HUWE1: variants seen among roughly 807,000 people sequenced by gnomAD.
The protein encoded by HUWE1 is E3 ubiquitin-protein ligase HUWE1.
In HUWE1, 18 loss-of-function variants were observed where a neutral mutation model predicts 299.4. The ratio of observed to expected loss-of-function variants is 0.06; its 90% confidence interval spans 0.04 to 0.09. HUWE1 has a LOEUF of 0.09. HUWE1 is among the 10% of genes least tolerant of loss of function. The pLI, the probability that HUWE1 is intolerant of heterozygous loss-of-function variation, is 1.00. For synonymous variants in HUWE1, 1,317 were observed against 1,286.1 expected, an observed-to-expected ratio of 1.02 and a Z score of -0.51; for missense variants, 1,832 against 3,462.3, an observed-to-expected ratio of 0.53 and a Z score of 11.82.
At chrX:53,535,606 A>C in intron 80 of HUWE1, 105 bp from the exon 81 acceptor site, 1 of 567,592 alleles carries the variant, frequency 1.8e-6, no homozygotes, top group East Asian at 3.4e-5. Flanking sequence ...AGGCAGAGAG[A>C]TGAGGCAAGT....
intron 82 of HUWE1, 46 bp from the exon 83 acceptor site, chrX:53,534,243 A>C: frequency 1.9e-6 from 2 of 1,077,798 alleles, no homozygotes; most frequent in Non-Finnish European, 2.6e-6. Context: ...GAAAGCTCCT[A>C]GAAGCAGGGT....
At chrX:53,552,513 C>T in intron 62 of HUWE1, 72 bp from the exon 63 acceptor site, 1 of 1,202,097 alleles carries the variant, frequency 8.3e-7, no homozygotes, top group East Asian at 3.0e-5. Context: ...TACAATACCC[C>T]TTTCTCACAG....
chrX:53,656,078 T>TA (rs1243581032), intron 3 of HUWE1, among the ~76,000 whole-genome samples: 4 of 102,539 alleles, frequency 3.9e-5, no homozygotes, highest in African/African-American at 1.1e-4. Context: ...GACTCCATCT[T>TA]AAAAAAACAA....
rs2062168089 is a variant in HUWE1 at position 53,559,136 on chromosome X, G to GT, written c.7916-77dup. 1.2e-5 allele frequency: 11 copies of GT among 890,734 alleles called. No homozygotes were observed. In the South Asian group the frequency reaches 2.2e-4, roughly 18 times the overall value. 73.4% of individuals were successfully genotyped at this position (890,734 alleles called of 1,213,427 possible). A position where few individuals can be genotyped will look rare whatever the true frequency, so the allele number is the denominator to read the frequency against. ...CTGATCCACCGATCCAAAAATTGCA[G>GT]TATTTCCCTAAAAGGACCCAAGGTC... On this transcript the variant is annotated intron_variant, in intron 57 of 83. Coordinates refer to ENST00000262854, the MANE Select transcript of HUWE1 (RefSeq NM_031407.7).
Position 53,537,699 on chromosome X carries a change from TG to T in HUWE1, c.11997-4del. The T allele has an allele frequency of 8.3e-7, 1 of 1,207,217 alleles. No homozygotes were observed. Among genetic ancestry groups the T allele is most frequent in the Non-Finnish European group, 1.1e-6 (1 of 893,043 alleles). On this transcript the variant is annotated splice_region_variant and splice_polypyrimidine_tract_variant and intron_variant, in intron 77 of 83. Coordinates refer to ENST00000262854, the MANE Select transcript of HUWE1 (RefSeq NM_031407.7). The stretch of plus-strand genomic sequence containing the variant: ...GCTCCAGCTCTTGGCGGAAATATCT[TG>T]GGAGGTAGAAAAGGAAGGAAGATAG...
intron 3 of HUWE1, among the ~76,000 whole-genome samples, chrX:53,677,115 G>A (rs2069864832): frequency 1.3e-5 from 1 of 74,362 alleles, no homozygotes; most frequent in African/African-American, 5.8e-5. Flanking sequence ...ATTTGCCAAA[G>A]GGAACGAACC....
chrX:53,578,099 T>C (rs1277719192), intron 43 of HUWE1, among the ~76,000 whole-genome samples: 1 of 79,136 alleles, frequency 1.3e-5, no homozygotes, highest in African/African-American at 4.9e-5. Flanking sequence ...CCCGCCGCCA[T>C]CCCATCTAGG....
At position 53,584,212 on chromosome X, in the gene HUWE1, A is replaced by C; in HGVS notation, c.5135T>G (p.Ile1712Ser). ...ATTGCCTTTATTTTCTTTACGTTTG[A>C]TATCCATTTCTTTGCTTTCTTCCAG... ...KTLEESKEMD[I>S]KRKENKGNDT... is the part of the protein sequence containing the mutation. The change falls in exon 41 of 84, where the codon ATC becomes AGC. Residue 1712 changes from isoleucine (I) to serine (S), a missense_variant. By Grantham distance (142) the Ile-to-Ser change is moderately radical. Transcript: ENST00000262854. 8.3e-7 allele frequency: 1 copy of C among 1,209,716 alleles called. No homozygotes were observed. Among genetic ancestry groups the C allele is most frequent in the East Asian group, 3.0e-5 (1 of 33,857 alleles).
rs782058531 is a variant in HUWE1 at position 53,573,937 on chromosome X, C to T, written c.6125G>A (p.Gly2042Glu). ...EASTPEESRD[G>E]KKDKEGDRAS... is the part of the protein sequence containing the mutation. ...CCGGTCCCCTTCTTTATCTTTCTTC[C>T]CATCTCGAGACTCCTCTGGAGTTGA... The change falls in exon 47 of 84, where the codon GGG becomes GAG. Residue 2042 changes from glycine to glutamate, a missense_variant. Physicochemically the swap from Gly to Glu is moderately conservative, Grantham distance 98 (BLOSUM62 -2). Transcript: ENST00000262854. The T allele has an allele frequency of 8.3e-7, 1 of 1,210,856 alleles. No individual in the cohort carries two copies. Among genetic ancestry groups the T allele is most frequent in the South Asian group, 1.8e-5 (1 of 56,947 alleles).
intron 80 of HUWE1, 116 bp downstream of exon 80, chrX:53,536,031 G>C (rs782317983): frequency 1.3e-5 from 6 of 451,328 alleles, no homozygotes; most frequent in Non-Finnish European, 2.4e-5. Context: ...GCTTTAAGAA[G>C]TCAAGATGCT....
intron 9 of HUWE1, 149 bp downstream of exon 9, chrX:53,632,338 C>T: frequency 2.0e-6 from 1 of 493,014 alleles, no homozygotes; most frequent in Non-Finnish European, 3.7e-6. Context: ...AATTAACACT[C>T]CTGAGGAGCT....
At chrX:53,606,619 T>C (rs1395167926) in intron 25 of HUWE1, among the ~76,000 whole-genome samples, 1 of 111,915 alleles carries the variant, frequency 8.9e-6, no homozygotes, top group African/African-American at 3.2e-5. Context: ...ATGTGGTATA[T>C]ACACACAATG....
At chrX:53,639,703 C>T (rs939648907) in intron 7 of HUWE1, among the ~76,000 whole-genome samples, 12 of 112,027 alleles carry the variant, frequency 1.1e-4, no homozygotes, top group African/African-American at 3.6e-4. Context: ...AATATGCATG[C>T]ACTTATAAAA....
rs781924595 is a variant in HUWE1 at position 53,592,654 on chromosome X, A to C, written c.3742-26T>G. ...CTGTAAGTAATTTGAAAAGTGTGTG[A>C]AAATCATTTTGCTTCAATTCAAAGC... On this transcript the variant is annotated intron_variant, in intron 32 of 83. Coordinates refer to ENST00000262854, the MANE Select transcript of HUWE1 (RefSeq NM_031407.7). The C allele has an allele frequency of 8.4e-6, 9 of 1,072,356 alleles. No individual in the cohort carries two copies. The South Asian group carries it at 1.7e-4, about 21-fold the overall frequency. 88.4% of individuals were successfully genotyped at this position (1,072,356 alleles called of 1,213,427 possible). A position where few individuals can be genotyped will look rare whatever the true frequency, so the allele number is the denominator to read the frequency against.
At chrX:53,597,459 G>T (rs1419973746) in intron 29 of HUWE1, among the ~76,000 whole-genome samples, 1 of 95,245 alleles carries the variant, frequency 1.0e-5, no homozygotes. Context: ...TTATAATCAG[G>T]ACTGCCCTTA....
intron 60 of HUWE1, 145 bp downstream of exon 60, chrX:53,557,237 T>G: frequency 5.2e-6 from 3 of 580,300 alleles, no homozygotes; most frequent in Non-Finnish European, 9.4e-6. Context: ...AGATGGGGTA[T>G]GACCCTAAAA....
chrX:53,614,002 C>A (rs1327951481), intron 23 of HUWE1, among the ~76,000 whole-genome samples: 1 of 112,266 alleles, frequency 8.9e-6, no homozygotes, highest in Non-Finnish European at 1.9e-5. Context: ...CGGTAGCTCA[C>A]GCCTGTAATC....
intron 9 of HUWE1, chrX:53,632,201 T>C: frequency 2.8e-6 from 1 of 357,828 alleles, no homozygotes; most frequent in Non-Finnish European, 5.0e-6. Context: ...ACTACTATAC[T>C]ACATGTTGGA....
In HUWE1 at chrX:53,624,647, C is replaced by G; in HGVS notation, c.1620G>C (p.Leu540=). 8.3e-7 allele frequency: 1 copy of G among 1,203,967 alleles called. No homozygotes were observed. Among genetic ancestry groups the G allele is most frequent in the Non-Finnish European group, 1.1e-6 (1 of 888,492 alleles). ...ATTCTGCATTGCTGATGATGTGTTT[C>G]AGGGAGGTAGGCAGAGAACCATCCA... is the stretch of plus-strand genomic sequence containing the variant. ...HVMDGSLPTS[L]KHIISNAEYY... The change falls in exon 19 of 84, where the codon CTG becomes CTC. Residue 540 remains leucine, a synonymous_variant. Transcript: ENST00000262854.
Sources: gnomAD v4.1 joint callset for allele counts (sites outside exome capture counted in the v4.1 genomes callset) on GRCh38, gnomAD v4.1.1 for gene constraint, MANE v1.5 for transcripts, NCBI Gene and HGNC (gene_info 2026-07-23, HGNC 2026-07-21) for gene names.